The following ZNF654 variants were observed in gnomAD, a reference collection of about 807,000 sequenced individuals.
ZNF654 encodes zinc finger protein 654.
A neutral mutation model predicts 95.3 loss-of-function variants in ZNF654; 19 were observed. That is an observed-to-expected ratio of 0.20 (90% CI 0.14 to 0.29). ZNF654 has a LOEUF of 0.29. Among genes scored for constraint, ZNF654 ranks in the 10% least tolerant of loss-of-function variants. The pLI, the probability that ZNF654 is intolerant of heterozygous loss-of-function variation, is 1.00. For missense variants in ZNF654, 1,046 were observed against 1,341.0 expected (o/e 0.78, Z 3.44); for synonymous variants, 413 against 457.9 (o/e 0.90, Z 1.25).
At chr3:88,088,761 TATGGATGGATGG>T (rs931246026) in intron 2 of ZNF654, among the ~76,000 whole-genome samples, 2 of 126,428 alleles carry the variant, frequency 1.6e-5, no homozygotes, top group Admixed American at 7.7e-5. Context: ...TGTATGTATG[TATGGATGGATGG>T]ATGGATGGAT....
chr3:88,077,894 C>G (rs1707898543), intron 1 of ZNF654, among the ~76,000 whole-genome samples: 2 of 152,102 alleles, frequency 1.3e-5, no homozygotes, highest in Admixed American at 6.5e-5. Context: ...TGTAGCTTCA[C>G]TGTATTTCAT....
At chr3:88,069,247 C>T (rs569529608) in intron 1 of ZNF654, among the ~76,000 whole-genome samples, 1 of 152,218 alleles carries the variant, frequency 6.6e-6, no homozygotes, top group African/African-American at 2.4e-5. Flanking sequence ...CATGGTGAAA[C>T]CCCATCTCTA....
chr3:88,080,874 A>G (rs1193904647), intron 1 of ZNF654, among the ~76,000 whole-genome samples: 8 of 152,242 alleles, frequency 5.3e-5, no homozygotes, highest in Non-Finnish European at 8.8e-5. Context: ...AATGCAGTAC[A>G]GCTATCAAGA....
At chr3:88,141,444 T>C (rs184138182) in intron 8 of ZNF654, among the ~76,000 whole-genome samples, 246 of 152,130 alleles carry the variant, frequency 1.6e-3, no homozygotes, top group African/African-American at 5.1e-3. Flanking sequence ...ATAAATCAAG[T>C]GAATCTGTGT....
At chr3:88,065,838 GCAC>G in intron 1 of ZNF654, among the ~76,000 whole-genome samples, 1 of 152,048 alleles carries the variant, frequency 6.6e-6, no homozygotes, top group Non-Finnish European at 1.5e-5. Flanking sequence ...GCGCTTCTCA[GCAC>G]CCATCAGCCC....
In ZNF654 at chr3:88,131,317, T is replaced by G. The variant is rs1276428342; in HGVS notation, c.893+1491T>G. 3.3e-4 allele frequency among the ~76,000 whole-genome samples: 50 copies of G among 152,228 alleles called. 2 individuals carry two copies. Among genetic ancestry groups the G allele is most frequent in the Admixed American group, 3.3e-3 (50 of 15,278 alleles). On this transcript the variant is annotated intron_variant, in intron 6 of 8. Transcript: ENST00000636215. ...CACTGAAATGTTGTTACACTGCGTA[T>G]AACTGTAGTTTTTGAAGTATTATCA...
chr3:88,102,174 G>A (rs991575130), intron 2 of ZNF654, among the ~76,000 whole-genome samples: 28 of 152,158 alleles, frequency 1.8e-4, no homozygotes, highest in African/African-American at 6.7e-4. Context: ...GTTTTGTGTA[G>A]TTTTCTTCGT....
chr3:88,074,296 G>T (rs1707675801), intron 1 of ZNF654, among the ~76,000 whole-genome samples: 1 of 150,976 alleles, frequency 6.6e-6, no homozygotes, highest in Admixed American at 6.6e-5. Context: ...GCTTCTTTTA[G>T]CCCTCTAAAG....
At chr3:88,115,542 A>T in intron 3 of ZNF654, among the ~76,000 whole-genome samples, 1 of 152,090 alleles carries the variant, frequency 6.6e-6, no homozygotes, top group East Asian at 1.9e-4. Context: ...TACTACTTGG[A>T]TTTTTATTTT....
chr3:88,120,694 T>C (rs1298072117), intron 3 of ZNF654, among the ~76,000 whole-genome samples: 2 of 152,206 alleles, frequency 1.3e-5, no homozygotes, highest in Non-Finnish European at 2.9e-5. Context: ...ATCCTCTTTA[T>C]GCGTATATTA....
intron 3 of ZNF654, among the ~76,000 whole-genome samples, chr3:88,116,350 G>A (rs112691304): frequency 0.011 from 1,736 of 151,928 alleles, 24 homozygotes; most frequent in African/African-American, 0.038. Context: ...GAGAAAACTC[G>A]TCCCTACTAA....
rs1708336751 is a variant in ZNF654, at chr3:88,086,416, A to T, written c.332+14A>T. 3 of 1,478,318 alleles carry T rather than the reference A, an allele frequency of 2.0e-6. No homozygotes were observed. Among genetic ancestry groups the T allele is most frequent in the South Asian group, 2.7e-5 (2 of 75,322 alleles). 91.6% of individuals were successfully genotyped at this position (1,478,318 alleles called of 1,614,324 possible). On this transcript the variant is annotated intron_variant, in intron 2 of 8. Transcript: ENST00000636215. Reference sequence around the variant, plus strand: ...TAGCCTTGCTGTGTAAGTACTTTTTACTTCTTATAAATGCATTATTTTTCT... The same window carrying T: ...TAGCCTTGCTGTGTAAGTACTTTTTTCTTCTTATAAATGCATTATTTTTCT...
In ZNF654 at chr3:88,139,320, A is replaced by T. The variant is rs964936560; in HGVS notation, c.1651A>T (p.Asn551Tyr). The T allele has an allele frequency of 6.2e-7, 1 of 1,602,782 alleles. No individual in the cohort carries two copies. The highest frequency in any genetic ancestry group is 1.3e-5 in the African/African-American group (1 of 74,292). Residue 551 changes from asparagine (N) to tyrosine (Y), a missense_variant, in exon 8 of 9, where the codon AAC becomes TAC. Asn to Tyr is a moderately radical substitution (Grantham distance 143). This residue lies in a region of ZNF654 where 100 missense variants were observed against 108.9 expected (regional missense o/e 0.92). Coordinates refer to ENST00000636215, the MANE Select transcript of ZNF654 (RefSeq NM_001350134.2). ...CCCAAGGCATCGTTGTATGTTATGT[A>T]ACAAGGAATTTTTAGGTGGTCACAT... ...NVPRHRCMLC[N>Y]KEFLGGHIVR... is the part of the protein sequence containing the mutation.
intron 3 of ZNF654, among the ~76,000 whole-genome samples, chr3:88,125,234 ACAAAAAAAAAC>A (rs1706027104): frequency 6.6e-6 from 1 of 151,718 alleles, no homozygotes; most frequent in Non-Finnish European, 1.5e-5. Context: ...AAACAAAAAA[ACAAAAAAAAAC>A]CAATATCTAA....
intron 3 of ZNF654, among the ~76,000 whole-genome samples, chr3:88,119,974 AT>A (rs1312625330): frequency 1.3e-5 from 2 of 152,198 alleles, no homozygotes; most frequent in East Asian, 3.8e-4. Flanking sequence ...CTTTTTACTT[AT>A]TAAACAAGGA....
intron 2 of ZNF654, among the ~76,000 whole-genome samples, chr3:88,097,060 A>T (rs1274581559): frequency 3.3e-5 from 5 of 152,182 alleles, no homozygotes; most frequent in Non-Finnish European, 5.9e-5. Flanking sequence ...AAATGTAATT[A>T]ACCAGCCCCT....
Position 88,092,480 on chromosome 3 carries a change from G to A in ZNF654, c.332+6078G>A, listed in dbSNP as rs552257927. Reference sequence around the variant, plus strand: ...CTTGGAGGTCAGCAAAAATGTGCTGGGTGAGCTAACTTGCTGTACTCTGAA... The same window carrying A: ...CTTGGAGGTCAGCAAAAATGTGCTGAGTGAGCTAACTTGCTGTACTCTGAA... On this transcript the variant is annotated intron_variant, in intron 2 of 8. Transcript: ENST00000636215. 2.0e-5 allele frequency among the ~76,000 whole-genome samples: 3 copies of A among 152,174 alleles called. No homozygotes were observed. The South Asian group carries it at 6.2e-4, about 32-fold the overall frequency.
chr3:88,111,364 C>A (rs1705079889), intron 2 of ZNF654, among the ~76,000 whole-genome samples: 1 of 151,916 alleles, frequency 6.6e-6, no homozygotes, highest in Non-Finnish European at 1.5e-5. Context: ...GATAGTCTGA[C>A]AATGTATAAA....
chr3:88,062,748 C>T (rs1442437007), intron 1 of ZNF654, among the ~76,000 whole-genome samples: 1 of 152,034 alleles, frequency 6.6e-6, no homozygotes, highest in Admixed American at 6.5e-5. Flanking sequence ...TTATTTCATA[C>T]TACAGTGGGG....
Sources: gnomAD v4.1 joint callset for allele counts (sites outside exome capture counted in the v4.1 genomes callset) on GRCh38, gnomAD v4.1.1 for gene constraint, gnomAD v4.1.1 regional missense constraint, MANE v1.5 for transcripts, NCBI Gene and HGNC (gene_info 2026-07-23, HGNC 2026-07-21) for gene names.